STRIP1: variants seen among roughly 807,000 people sequenced by gnomAD.
The protein encoded by STRIP1 is striatin-interacting protein 1.
STRIP1 carries 63 observed loss-of-function variants against 106.2 expected under a neutral mutation model. The observed-to-expected ratio is 0.59, with a 90% confidence interval of 0.48 to 0.73. The LOEUF is 0.73. Among genes scored for constraint, STRIP1 ranks in the 30% least tolerant of loss-of-function variants. The pLI, the probability that STRIP1 is intolerant of heterozygous loss-of-function variation, is 0.00. For missense variants in STRIP1, 857 were observed against 1,074.8 expected (o/e 0.80, Z 2.83); for synonymous variants, 390 against 413.0 (o/e 0.94, Z 0.67).
chr1:110,035,588 T>C (rs1019464193), intron 1 of STRIP1, among the ~76,000 whole-genome samples: 2 of 152,144 alleles, frequency 1.3e-5, no homozygotes, highest in Non-Finnish European at 2.9e-5. Flanking sequence ...GTTAAGGAAT[T>C]CCTCCCACTG....
upstream of STRIP1, among the ~76,000 whole-genome samples, chr1:110,033,481 T>C (rs1480814449): frequency 6.6e-6 from 1 of 152,214 alleles, no homozygotes; most frequent in Non-Finnish European, 1.5e-5. Flanking sequence ...AAGAAAGTTA[T>C]TTTTTGCAGT....
At chr1:110,049,843 T>C (rs1653208658) in intron 17 of STRIP1, 1 of 362,098 alleles carries the variant, frequency 2.8e-6, no homozygotes, top group East Asian at 5.3e-5. Flanking sequence ...TACTTTTTTT[T>C]TTTTTTTTTG....
Position 110,054,072 on chromosome 1 carries a change from T to G in STRIP1, c.*160T>G, listed in dbSNP as rs547051251. On this transcript the variant is annotated 3_prime_UTR_variant, in exon 21 of 21. Transcript: ENST00000369795. ...GTCCTGGGCTTGGGTGAGCCCAGCT[T>G]GACCTCCCCTTGGTTCCCAGGGTCC... 2.5e-6 allele frequency: 2 copies of G among 807,068 alleles called. No homozygotes were observed. Among genetic ancestry groups the G allele is most frequent in the African/African-American group, 1.7e-5 (1 of 58,418 alleles). 50.0% of individuals were successfully genotyped at this position (807,068 alleles called of 1,614,324 possible). A position where few individuals can be genotyped will look rare whatever the true frequency, so the allele number is the denominator to read the frequency against.
rs546512359 is a variant in STRIP1 at position 110,036,312 on chromosome 1, G to T, written c.180+1495G>T. On this transcript the variant is annotated intron_variant, in intron 1 of 20. Coordinates refer to ENST00000369795, the MANE Select transcript of STRIP1 (RefSeq NM_033088.4). ...TACTAAAAATACAAAAATTAGCCGGGCGTGGTGGCTGGTGCCTGTAATCCC... is the reference window on the plus strand; with the variant it reads ...TACTAAAAATACAAAAATTAGCCGGTCGTGGTGGCTGGTGCCTGTAATCCC... Among the ~76,000 whole-genome samples, 175 of 152,224 alleles carry T rather than the reference G, an allele frequency of 1.1e-3. 2 individuals are homozygous for T. The highest frequency in any genetic ancestry group is 1.9e-3 in the Non-Finnish European group (130 of 68,004).
At chr1:110,036,390 T>G (rs1477475731) in intron 1 of STRIP1, among the ~76,000 whole-genome samples, 2 of 151,986 alleles carry the variant, frequency 1.3e-5, no homozygotes, top group Non-Finnish European at 2.9e-5. Context: ...GAGGTGGAGA[T>G]TTGCAGTGAG....
intron 12 of STRIP1, among the ~76,000 whole-genome samples, chr1:110,045,858 C>T (rs1488173755): frequency 1.3e-5 from 2 of 152,080 alleles, no homozygotes; most frequent in Non-Finnish European, 2.9e-5. Flanking sequence ...CCATACTCTC[C>T]GATCAGAGAA....
At chr1:110,038,458 A>G (rs960714717) in intron 2 of STRIP1, among the ~76,000 whole-genome samples, 2 of 152,320 alleles carry the variant, frequency 1.3e-5, no homozygotes, top group South Asian at 4.1e-4. Context: ...ATGGATGCAC[A>G]TCGGACTGGA....
chr1:110,051,722 G>A lies in STRIP1; in HGVS notation c.2101G>A (p.Ala701Thr), dbSNP rs771550765. 1.2e-6 allele frequency: 2 copies of A among 1,612,336 alleles called. No homozygotes were observed. The highest frequency in any genetic ancestry group is 4.5e-5 in the East Asian group (2 of 44,860). ...VFKSAPILKRALKVKQAMMQL... is the reference protein window; with the variant it reads ...VFKSAPILKRTLKVKQAMMQL... ...CAAGTCAGCCCCCATCTTGAAGCGG[G>A]CCCTAAAGGTGAAACAAGCCATGAT... The change falls in exon 20 of 21, where the codon GCC becomes ACC. Residue 701 changes from alanine to threonine, a missense_variant. By Grantham distance (58) the Ala-to-Thr change is moderately conservative (BLOSUM62 0). Around this residue, in one of 2 missense-constraint regions of STRIP1, gnomAD observed 750 missense variants for 989.8 expected, o/e 0.76. Transcript: ENST00000369795.
At chr1:110,046,238 G>A (rs1039590017) in intron 12 of STRIP1, among the ~76,000 whole-genome samples, 1 of 152,150 alleles carries the variant, frequency 6.6e-6, no homozygotes, top group African/African-American at 2.4e-5. Context: ...GGTGGCTCAC[G>A]CCTATAATCC....
chr1:110,050,519 A>G (rs1271570970), intron 18 of STRIP1, 110 bp downstream of exon 18: 1 of 1,045,554 alleles, frequency 9.6e-7, no homozygotes, highest in African/African-American at 1.6e-5. Flanking sequence ...AGGTGAAATC[A>G]CTGTGGAGTG....
chr1:110,051,907 C>A lies in STRIP1; in HGVS notation c.2266+20C>A. 6.2e-7 allele frequency: 1 copy of A among 1,610,352 alleles called. No individual in the cohort carries two copies. The highest frequency in any genetic ancestry group is 8.5e-7 in the Non-Finnish European group (1 of 1,178,726). On this transcript the variant is annotated intron_variant, in intron 20 of 20. Transcript: ENST00000369795. ...GCAATGGTGAGACTCTGCACTCAGC[C>A]AGATTTGGGTGGGAGTGTGTCGGGA... is the stretch of plus-strand genomic sequence containing the variant.
intron 8 of STRIP1, among the ~76,000 whole-genome samples, chr1:110,042,245 G>T (rs531739869): frequency 6.6e-6 from 1 of 152,342 alleles, no homozygotes; most frequent in Admixed American, 6.5e-5. Flanking sequence ...GGGCAAGAGT[G>T]AGCCCTGAGC....
Position 110,053,773 on chromosome 1 carries a change from TC to T in STRIP1, c.2377del (p.Leu793CysfsTer23). The T allele has an allele frequency of 6.2e-7, 1 of 1,614,090 alleles. No homozygotes were observed. Among genetic ancestry groups the T allele is most frequent in the Non-Finnish European group, 8.5e-7 (1 of 1,180,020 alleles). On this transcript the variant is annotated frameshift_variant, in exon 21 of 21. Transcript: ENST00000369795. LOFTEE classifies it high-confidence loss of function. ...RYDRAHSNPD[F>X]LPVDNCLQSV... ...GACCGGGCCCACAGCAACCCTGACT[TC>T]CTGCCAGTGGACAACTGCCTGCAGA...
At position 110,046,762 on chromosome 1, in the gene STRIP1, G is replaced by T. The variant is rs966649261; in HGVS notation, c.1488+11G>T. 3 of 1,608,556 alleles carry T rather than the reference G, an allele frequency of 1.9e-6. No homozygotes were observed. Among genetic ancestry groups the T allele is most frequent in the Non-Finnish European group, 2.6e-6 (3 of 1,175,998 alleles). On this transcript the variant is annotated intron_variant, in intron 13 of 20. Transcript: ENST00000369795. Reference sequence around the variant, plus strand: ...TCCCCTCTCTCAGGGGTAAGTTGGAGGTCCTCAGTCCGGGCGCGGTGGCTC... The same window carrying T: ...TCCCCTCTCTCAGGGGTAAGTTGGATGTCCTCAGTCCGGGCGCGGTGGCTC...
chr1:110,047,897 G>A (rs1466923469), intron 15 of STRIP1, 28 bp downstream of exon 15: 2 of 1,528,958 alleles, frequency 1.3e-6, no homozygotes, highest in African/African-American at 2.8e-5. Context: ...AATGAAGCAG[G>A]TGGGGCAGAA....
At chr1:110,047,264 T>C (rs1653073310) in intron 13 of STRIP1, among the ~76,000 whole-genome samples, 1 of 152,194 alleles carries the variant, frequency 6.6e-6, no homozygotes, top group Admixed American at 6.5e-5. Flanking sequence ...ACTTTATGGA[T>C]GGCAACTTAG....
intron 16 of STRIP1, 78 bp from the exon 17 acceptor site, chr1:110,049,382 C>G (rs1653181925): frequency 1.9e-6 from 3 of 1,543,376 alleles, no homozygotes; most frequent in Non-Finnish European, 2.7e-6. Context: ...CAGCCAAGGC[C>G]TTTCATCCCT....
At position 110,046,676 on chromosome 1, in the gene STRIP1, C is replaced by T. The variant is rs1653035499; in HGVS notation, c.1417-4C>T. 6.2e-7 allele frequency: 1 copy of T among 1,613,222 alleles called. No homozygotes were observed. ...AGCCCTTCTTTTCCCATCTCTCCCACCAGCACAAGTACACGTCGATTGCAG... is the reference window on the plus strand; with the variant it reads ...AGCCCTTCTTTTCCCATCTCTCCCATCAGCACAAGTACACGTCGATTGCAG... On this transcript the variant is annotated splice_polypyrimidine_tract_variant and splice_region_variant and intron_variant, in intron 12 of 20. Coordinates refer to ENST00000369795, the MANE Select transcript of STRIP1 (RefSeq NM_033088.4).
chr1:110,038,099 TATATA>T (rs1557787746), intron 2 of STRIP1, 139 bp downstream of exon 2: 1 of 171,126 alleles, frequency 5.8e-6, no homozygotes, highest in Admixed American at 6.5e-5. Context: ...TATATATATA[TATATA>T]TATATATATG....
Sources: allele counts gnomAD v4.1 joint callset (sites outside exome capture counted in the v4.1 genomes callset), GRCh38; gene constraint gnomAD v4.1.1; regional missense constraint gnomAD v4.1.1; transcripts MANE v1.5; gene names NCBI Gene and HGNC (gene_info 2026-07-23, HGNC 2026-07-21).